The following SOBP variants were observed in gnomAD, a reference collection of about 807,000 sequenced individuals.
SOBP encodes the protein sine oculis-binding protein homolog.
A neutral mutation model predicts 53.6 loss-of-function variants in SOBP; 4 were observed. The ratio of observed to expected loss-of-function variants is 0.07; its 90% CI spans 0.04 to 0.17. SOBP has a LOEUF of 0.17. SOBP is among the 10% of genes least tolerant of loss of function. The pLI is 1.00. For synonymous variants in SOBP, 584 were observed against 522.6 expected, an observed-to-expected ratio of 1.12 and a Z score of -1.60; for missense variants, 1,088 against 1,204.7, an observed-to-expected ratio of 0.90 and a Z score of 1.43.
chr6:107,573,244 T>C (rs1172766046), intron 4 of SOBP, among the ~76,000 whole-genome samples: 1 of 152,150 alleles, frequency 6.6e-6, no homozygotes, highest in East Asian at 1.9e-4. Context: ...CTGATTGGCA[T>C]TTGCAGTGGG....
chr6:107,647,761 G>A (rs1054492096), intron 6 of SOBP, among the ~76,000 whole-genome samples: 1 of 151,350 alleles, frequency 6.6e-6, no homozygotes, highest in African/African-American at 2.4e-5. Flanking sequence ...GGATCTGACC[G>A]CAGCTGCTTC....
In SOBP at chr6:107,639,711, A is replaced by G. The variant is rs1432539753; in HGVS notation, c.*3+4242A>G. ...ATTTGTACATTTTCTGAATTTCTAC[A>G]GTTTACACTTGTTTATGGTACATTG... On this transcript the variant is annotated intron_variant, in intron 6 of 6. Transcript: ENST00000317357. Among the ~76,000 whole-genome samples, 3 of 152,204 alleles carry G rather than the reference A, an allele frequency of 2.0e-5. No homozygotes were observed. In the East Asian group the frequency reaches 5.8e-4, roughly 29 times the overall value.
At chr6:107,517,027 A>G (rs1344874859) in intron 3 of SOBP, among the ~76,000 whole-genome samples, 1 of 152,240 alleles carries the variant, frequency 6.6e-6, no homozygotes. Context: ...TTTAAAATGT[A>G]TATGGAGATG....
intron 6 of SOBP, among the ~76,000 whole-genome samples, chr6:107,648,692 G>C (rs1013527988): frequency 9.9e-5 from 15 of 152,142 alleles, no homozygotes; most frequent in Admixed American, 7.9e-4. Flanking sequence ...CTAGGGGTCA[G>C]CTCTCCCAGC....
At chr6:107,572,185 G>A (rs936412482) in intron 4 of SOBP, among the ~76,000 whole-genome samples, 1 of 151,972 alleles carries the variant, frequency 6.6e-6, no homozygotes, top group Non-Finnish European at 1.5e-5. Context: ...AAACCCTGAA[G>A]ATAGCAATTT....
At chr6:107,506,100 G>A (rs1782984292) in intron 2 of SOBP, 142 bp from the exon 3 acceptor site, 2 of 716,264 alleles carry the variant, frequency 2.8e-6, no homozygotes, top group Admixed American at 4.7e-5. Context: ...GATGAACTGT[G>A]GAGTTCTAGT....
chr6:107,611,817 A>G (rs1786610055), intron 5 of SOBP, among the ~76,000 whole-genome samples: 1 of 152,200 alleles, frequency 6.6e-6, no homozygotes, highest in Non-Finnish European at 1.5e-5. Context: ...ATAAAAATAG[A>G]TTACTTTTGA....
At chr6:107,523,616 C>T (rs1055337472) in intron 3 of SOBP, among the ~76,000 whole-genome samples, 4 of 152,276 alleles carry the variant, frequency 2.6e-5, no homozygotes, top group African/African-American at 9.6e-5. Context: ...AATTTGCCTC[C>T]CCTAGGAGGT....
At position 107,635,069 on chromosome 6, in the gene SOBP, C is replaced by T. The variant is rs1190750331; in HGVS notation, c.2225C>T (p.Pro742Leu). The T allele has an allele frequency of 1.3e-6, 2 of 1,556,646 alleles. No individual in the cohort carries two copies. Among genetic ancestry groups the T allele is most frequent in the Non-Finnish European group, 1.7e-6 (2 of 1,151,868 alleles). Reference sequence around the variant, plus strand: ...GGCGCTAAGAGCGCGGAGCCGCCTCCCGAGCAGCCGCCGCCGCCGCCGCCG... The same window carrying T: ...GGCGCTAAGAGCGCGGAGCCGCCTCTCGAGCAGCCGCCGCCGCCGCCGCCG... Reference protein sequence around the residue: ...AEGAKSAEPPPEQPPPPPPPA... With the variant: ...AEGAKSAEPPLEQPPPPPPPA... The change falls in exon 6 of 7, where the codon CCC becomes CTC. Residue 742 changes from proline (P) to leucine (L), a missense_variant. By Grantham distance (98) the Pro-to-Leu change is moderately conservative. Transcript: ENST00000317357. The surrounding 1 kb of genome is among the most constrained non-coding windows in gnomAD (Gnocchi z 4.5).
rs537558131 is a variant in SOBP at position 107,633,047 on chromosome 6, A to G, written c.670-467A>G. On this transcript the variant is annotated intron_variant, in intron 5 of 6. Transcript: ENST00000317357. ...ACAGTACACTCTTTCCAACTGCATTATCAAACATAGTCAACAGTGTAAAGT... is the reference window on the plus strand; with the variant it reads ...ACAGTACACTCTTTCCAACTGCATTGTCAAACATAGTCAACAGTGTAAAGT... Among the ~76,000 whole-genome samples the G allele has an allele frequency of 2.6e-5, 4 of 152,342 alleles. No homozygotes were observed. The East Asian group carries it at 7.7e-4, about 29-fold the overall frequency.
chr6:107,541,790 C>T (rs1297653537), intron 4 of SOBP, among the ~76,000 whole-genome samples: 4 of 152,120 alleles, frequency 2.6e-5, no homozygotes, highest in African/African-American at 9.7e-5. Flanking sequence ...AAGGATGTGA[C>T]ACTTTCTGTG....
chr6:107,527,964 C>G (rs1783712602), intron 3 of SOBP, among the ~76,000 whole-genome samples: 1 of 152,204 alleles, frequency 6.6e-6, no homozygotes, highest in Non-Finnish European at 1.5e-5. Context: ...TCCACACTGC[C>G]TTCCTTTGGC....
chr6:107,520,768 A>C (rs976194406), intron 3 of SOBP, among the ~76,000 whole-genome samples: 1 of 152,106 alleles, frequency 6.6e-6, no homozygotes, highest in African/African-American at 2.4e-5. Context: ...GACTTAGTTG[A>C]TTAACTTGAC....
At chr6:107,614,269 C>T (rs1786700440) in intron 5 of SOBP, among the ~76,000 whole-genome samples, 1 of 152,138 alleles carries the variant, frequency 6.6e-6, no homozygotes, top group Non-Finnish European at 1.5e-5. Flanking sequence ...GGGTGTGGTG[C>T]ACACCTGTGG....
intron 4 of SOBP, among the ~76,000 whole-genome samples, chr6:107,539,716 A>G (rs1562599320): frequency 3.9e-5 from 6 of 152,234 alleles, no homozygotes; most frequent in Non-Finnish European, 8.8e-5. Flanking sequence ...ACAAATGATC[A>G]GGAAGGGATC....
chr6:107,555,383 A>G (rs1433896742), intron 4 of SOBP, among the ~76,000 whole-genome samples: 3 of 152,158 alleles, frequency 2.0e-5, no homozygotes, highest in African/African-American at 2.4e-5. Flanking sequence ...ACTCTTCTCC[A>G]TCAAATTCTC....
chr6:107,497,427 AT>A (rs1782730348), intron 1 of SOBP, among the ~76,000 whole-genome samples: 2 of 152,200 alleles, frequency 1.3e-5, no homozygotes, highest in African/African-American at 2.4e-5. Context: ...CTATGTGTTA[AT>A]TTTTAATTAA....
chr6:107,584,793 G>GT (rs1410886954), intron 4 of SOBP, among the ~76,000 whole-genome samples: 4 of 107,370 alleles, frequency 3.7e-5, no homozygotes, highest in African/African-American at 1.8e-4. Flanking sequence ...TAGATAATGG[G>GT]ATTTTTTTTT....
chr6:107,653,659 A>G (rs1223914225), intron 6 of SOBP, among the ~76,000 whole-genome samples: 1 of 152,262 alleles, frequency 6.6e-6, no homozygotes, highest in African/African-American at 2.4e-5. Context: ...GCTAATTACA[A>G]AAGTATTTGA....
Sources: allele counts gnomAD v4.1 joint callset (sites outside exome capture counted in the v4.1 genomes callset), GRCh38; gene constraint gnomAD v4.1.1; non-coding constraint Gnocchi (gnomAD v3.1); transcripts MANE v1.5; gene names NCBI Gene and HGNC (gene_info 2026-07-23, HGNC 2026-07-21).